The following PBK variants were observed in gnomAD, a reference collection of about 807,000 sequenced individuals.
The protein encoded by PBK is lymphokine-activated killer T-cell-originated protein kinase.
In PBK, 22 loss-of-function variants were observed where a neutral mutation model predicts 33.5. That is an observed-to-expected ratio of 0.66 (90% CI 0.47 to 0.94). The LOEUF is 0.94. PBK is among the 40% of genes least tolerant of loss of function. PBK has a pLI of 0.00. For missense variants in PBK, 376 were observed against 383.4 expected (o/e 0.98, Z 0.16); for synonymous variants, 129 against 123.8 (o/e 1.04, Z -0.28).
intron 5 of PBK, 147 bp from the exon 6 acceptor site, chr8:27,820,841 T>TTTTTA: frequency 6.8e-6 from 3 of 441,462 alleles, no homozygotes; most frequent in South Asian, 6.7e-5. Flanking sequence ...TTTTTTTTTT[T>TTTTTA]AAAACGGAGT....
At chr8:27,816,236 G>A (rs1260609717) in intron 6 of PBK, among the ~76,000 whole-genome samples, 2 of 151,752 alleles carry the variant, frequency 1.3e-5, no homozygotes, top group Admixed American at 6.6e-5. Flanking sequence ...GTAAGACTGT[G>A]TCTGTCTCAT....
intron 6 of PBK, among the ~76,000 whole-genome samples, chr8:27,813,681 G>C (rs1805748888): frequency 2.1e-5 from 3 of 144,544 alleles, no homozygotes; most frequent in South Asian, 4.5e-4. Flanking sequence ...CAAGTGTACA[G>C]TATTAACAAA....
intron 1 of PBK, among the ~76,000 whole-genome samples, chr8:27,834,229 T>C (rs1806186420): frequency 6.6e-6 from 1 of 152,100 alleles, no homozygotes; most frequent in African/African-American, 2.4e-5. Flanking sequence ...TGTTTCACCA[T>C]ATTGGCCAGG....
In PBK at chr8:27,810,032, G is replaced by A. The variant is rs1322604338; in HGVS notation, c.*273C>T. The A allele has an allele frequency of 7.9e-6, 3 of 378,830 alleles. No individual in the cohort carries two copies. The highest frequency in any genetic ancestry group is 1.4e-5 in the Non-Finnish European group (3 of 211,734). 23.5% of individuals were successfully genotyped at this position (378,830 alleles called of 1,614,324 possible). ...ATTCAATTTAATGTTACAGTTTACA[G>A]CGTTTTACTGCTAGTGTTTTAAGTC... On this transcript the variant is annotated 3_prime_UTR_variant, in exon 8 of 8. Transcript: ENST00000301905.
Position 27,820,583 on chromosome 8 carries a change from G to T in PBK, c.577C>A (p.Leu193Met). 1 of 1,578,302 alleles carries T rather than the reference G, an allele frequency of 6.3e-7. No individual in the cohort carries two copies. Among genetic ancestry groups the T allele is most frequent in the Non-Finnish European group, 8.7e-7 (1 of 1,154,908 alleles). The change falls in exon 6 of 8, where the codon CTG (leucine) becomes ATG (methionine). Residue 193 changes from leucine to methionine, a missense_variant. Coordinates refer to ENST00000301905, the MANE Select transcript of PBK (RefSeq NM_018492.4). ...KICDVGVSLPLDENMTVTDPE... is the reference protein window; with the variant it reads ...KICDVGVSLPMDENMTVTDPE... ...AACTTACCAGTCATATTTTCATCCA[G>T]TGGTAGAGAGACTCCTACATCACAG...
rs534995958 is a variant in PBK at position 27,830,073 on chromosome 8, C to T, written c.59-1875G>A. 1.2e-4 allele frequency among the ~76,000 whole-genome samples: 18 copies of T among 151,662 alleles called. No individual in the cohort carries two copies. The South Asian group carries it at 3.3e-3, about 28-fold the overall frequency. ...CAAAAATTAGCTGGGCGTGGTAGCA[C>T]GTGCCTGTAATCCCGACTACTCGGG... is the stretch of plus-strand genomic sequence containing the variant. On this transcript the variant is annotated intron_variant, in intron 2 of 7. Transcript: ENST00000301905.
chr8:27,816,343 C>CTTATATATATATATATATATATATATA (rs1554559818), intron 6 of PBK, among the ~76,000 whole-genome samples: 1 of 136,356 alleles, frequency 7.3e-6, no homozygotes, highest in African/African-American at 2.9e-5. Flanking sequence ...TCATCGAATA[C>CTTATATATATATATATATATATATATA]TATATATATA....
intron 1 of PBK, among the ~76,000 whole-genome samples, chr8:27,837,400 T>C (rs1443975817): frequency 6.6e-6 from 1 of 152,098 alleles, no homozygotes; most frequent in Non-Finnish European, 1.5e-5. Flanking sequence ...AAAGTAGATG[T>C]AGAAACTCCA....
chr8:27,828,989 C>A (rs1255090479), intron 2 of PBK, among the ~76,000 whole-genome samples: 1 of 152,130 alleles, frequency 6.6e-6, no homozygotes, highest in Non-Finnish European at 1.5e-5. Context: ...TGCTTGAAGG[C>A]AGTTTCCAGA....
chr8:27,817,036 A>C (rs1805831091), intron 6 of PBK, among the ~76,000 whole-genome samples: 1 of 152,164 alleles, frequency 6.6e-6, no homozygotes, highest in Admixed American at 6.5e-5. Flanking sequence ...AAATCTCACA[A>C]ATAGAAAGCC....
intron 6 of PBK, chr8:27,811,829 A>T (rs1430925287): frequency 6.6e-6 from 1 of 152,330 alleles, no homozygotes; most frequent in African/African-American, 2.4e-5. Context: ...GTGATGCTTT[A>T]TAGTATTCAT....
chr8:27,836,016 C>T (rs547984650), intron 1 of PBK, among the ~76,000 whole-genome samples: 1 of 152,146 alleles, frequency 6.6e-6, no homozygotes, highest in Non-Finnish European at 1.5e-5. Flanking sequence ...CAAACAAGAC[C>T]CAAACAAGTA....
intron 5 of PBK, among the ~76,000 whole-genome samples, chr8:27,821,493 C>T (rs1037035677): frequency 1.3e-5 from 2 of 152,134 alleles, no homozygotes; most frequent in African/African-American, 4.8e-5. Context: ...AATTCCTGCC[C>T]TCGTGATCTG....
At chr8:27,826,130 A>G (rs1243685179) in intron 3 of PBK, among the ~76,000 whole-genome samples, 1 of 152,222 alleles carries the variant, frequency 6.6e-6, no homozygotes, top group African/African-American at 2.4e-5. Flanking sequence ...GCAGTCAAAA[A>G]GGCTTCATAA....
chr8:27,828,320 A>G (rs1410314582), intron 2 of PBK, 122 bp from the exon 3 acceptor site: 6 of 484,896 alleles, frequency 1.2e-5, no homozygotes, highest in Non-Finnish European at 2.2e-5. Context: ...GCAATTTGAC[A>G]ACATATATCC....
intron 5 of PBK, among the ~76,000 whole-genome samples, chr8:27,821,539 C>A (rs531640044): frequency 2.0e-5 from 3 of 152,102 alleles, no homozygotes; most frequent in East Asian, 1.9e-4. Context: ...GGATTACAGG[C>A]GTGAGCCACC....
chr8:27,817,518 T>G (rs1805841500), intron 6 of PBK, among the ~76,000 whole-genome samples: 1 of 151,966 alleles, frequency 6.6e-6, no homozygotes, highest in Admixed American at 6.6e-5. Context: ...TTGTTACTGC[T>G]TTAGTTTTCA....
At chr8:27,816,376 TATTTTA>T (rs1805814194) in intron 6 of PBK, among the ~76,000 whole-genome samples, 1 of 110,662 alleles carries the variant, frequency 9.0e-6, no homozygotes, top group Non-Finnish European at 1.9e-5. Flanking sequence ...TTTATTTATT[TATTTTA>T]ATTTATTTTT....
intron 5 of PBK, 102 bp from the exon 6 acceptor site, chr8:27,820,796 T>G: frequency 2.1e-5 from 13 of 606,952 alleles, no homozygotes; most frequent in Non-Finnish European, 3.3e-5. Context: ...TCCTAAACTC[T>G]AGGTTTACAT....
Sources: gnomAD v4.1 joint callset for allele counts (sites outside exome capture counted in the v4.1 genomes callset) on GRCh38, gnomAD v4.1.1 for gene constraint, MANE v1.5 for transcripts, NCBI Gene and HGNC (gene_info 2026-07-23, HGNC 2026-07-21) for gene names.